EPS15: variants seen among roughly 807,000 people sequenced by gnomAD.
EPS15 encodes the protein epidermal growth factor receptor substrate 15.
A neutral mutation model predicts 113.8 loss-of-function variants in EPS15; 72 were observed. The ratio of observed to expected loss-of-function variants is 0.63; its 90% CI spans 0.52 to 0.77. The LOEUF is 0.77. EPS15 is among the 30% of genes least tolerant of loss of function. The pLI is 0.00. For synonymous variants in EPS15, 344 were observed against 363.4 expected (o/e 0.95, Z 0.61); for missense variants, 1,048 against 1,045.8 (o/e 1.00, Z -0.03).
chr1:51,362,470 T>G (rs187249252), intron 23 of EPS15, among the ~76,000 whole-genome samples: 2 of 152,310 alleles, frequency 1.3e-5, no homozygotes, highest in Admixed American at 1.3e-4. Context: ...TAGCATATTA[T>G]TTTACTTAAG....
Position 51,355,116 on chromosome 1 carries a change from C to G in EPS15, c.*1584G>C, listed in dbSNP as rs1209884173. The G allele has an allele frequency of 4.6e-6, 1 of 219,488 alleles. No homozygotes were observed. The allele number at this position is 219,488 out of a possible 1,614,324, so 13.6% of individuals were successfully genotyped here. A position where few individuals can be genotyped will look rare whatever the true frequency, so the allele number is the denominator to read the frequency against. ...GTATGACTTTTATGCAGAAATGTTT[C>G]TATTTACAAAGGTAGAAAAAAGTTA... On this transcript the variant is annotated 3_prime_UTR_variant, in exon 25 of 25. Transcript: ENST00000371733.
intron 1 of EPS15, among the ~76,000 whole-genome samples, chr1:51,499,116 C>A (rs193093445): frequency 2.6e-5 from 4 of 152,296 alleles, no homozygotes; most frequent in Admixed American, 2.6e-4. Flanking sequence ...TCTGCTAGCA[C>A]CTTGATCCTA....
rs142536543 is a variant in EPS15 at position 51,447,812 on chromosome 1, G to C, written c.651+234C>G. 165 of 190,136 alleles carry C rather than the reference G, an allele frequency of 8.7e-4. 1 individual carries two copies. Among genetic ancestry groups the C allele is most frequent in the African/African-American group, 3.9e-3 (163 of 42,228 alleles). 11.8% of individuals were successfully genotyped at this position (190,136 alleles called of 1,614,324 possible). A position where few individuals can be genotyped will look rare whatever the true frequency, so the allele number is the denominator to read the frequency against. ...TTCTCTGGAGTATCACATTATGCAG[G>C]TTCAACGAGATGGTGCTCTAAAATT... On this transcript the variant is annotated intron_variant, in intron 9 of 24. Transcript: ENST00000371733.
chr1:51,465,955 G>A (rs540562079), intron 5 of EPS15, among the ~76,000 whole-genome samples: 14 of 150,626 alleles, frequency 9.3e-5, no homozygotes, highest in Admixed American at 1.3e-4. Context: ...AGCTATGATC[G>A]CAGCACTGTA....
intron 5 of EPS15, among the ~76,000 whole-genome samples, chr1:51,466,656 T>C (rs1654866368): frequency 6.6e-6 from 1 of 151,130 alleles, no homozygotes; most frequent in African/African-American, 2.4e-5. Flanking sequence ...AAAAATAAAA[T>C]CTGTACTCAC....
intron 21 of EPS15, 54 bp downstream of exon 21, chr1:51,394,327 G>T (rs1292693127): frequency 1.6e-5 from 18 of 1,130,134 alleles, no homozygotes; most frequent in Non-Finnish European, 2.2e-5. Context: ...AAAGAAAAAA[G>T]AATCTTAAAA....
chr1:51,360,015 G>C (rs1298851458), intron 24 of EPS15, among the ~76,000 whole-genome samples: 1 of 152,034 alleles, frequency 6.6e-6, no homozygotes, highest in Admixed American at 6.6e-5. Flanking sequence ...AAGTAGCTGG[G>C]ACTACAGGTG....
intron 1 of EPS15, among the ~76,000 whole-genome samples, chr1:51,489,963 T>C (rs1644201561): frequency 6.6e-6 from 1 of 152,212 alleles, no homozygotes; most frequent in African/African-American, 2.4e-5. Flanking sequence ...AATAAACCCT[T>C]CTTATTGTAA....
chr1:51,381,438 C>T (rs1271507177), intron 21 of EPS15, among the ~76,000 whole-genome samples: 2 of 151,938 alleles, frequency 1.3e-5, no homozygotes, highest in Non-Finnish European at 2.9e-5. Flanking sequence ...ACTAAAAATA[C>T]AAAAATGACA....
chr1:51,471,606 G>A, intron 4 of EPS15, 84 bp downstream of exon 4: 2 of 1,096,940 alleles, frequency 1.8e-6, no homozygotes, highest in African/African-American at 1.6e-5. Flanking sequence ...CCAATTCTTG[G>A]CTTCAAAATA....
intron 13 of EPS15, among the ~76,000 whole-genome samples, chr1:51,415,861 C>T (rs912708709): frequency 6.8e-6 from 1 of 147,606 alleles, no homozygotes; most frequent in Admixed American, 6.8e-5. Flanking sequence ...ACAAAAAGGC[C>T]TTCCTTTCCA....
At chr1:51,372,506 G>A in intron 21 of EPS15, 2 of 532,684 alleles carry the variant, frequency 3.8e-6, no homozygotes, top group South Asian at 2.8e-5. Flanking sequence ...TGTATGGAAT[G>A]TTTAAGAAAA....
At chr1:51,497,272 A>G (rs1192813731) in intron 1 of EPS15, among the ~76,000 whole-genome samples, 1 of 152,116 alleles carries the variant, frequency 6.6e-6, no homozygotes, top group Non-Finnish European at 1.5e-5. Context: ...CCAGTCAGCT[A>G]GCAAATTTCT....
At chr1:51,364,358 T>C (rs1646458886) in intron 22 of EPS15, among the ~76,000 whole-genome samples, 1 of 152,150 alleles carries the variant, frequency 6.6e-6, no homozygotes, top group Non-Finnish European at 1.5e-5. Flanking sequence ...TGTATGCCTT[T>C]CCGCAAACGA....
At chr1:51,393,499 G>C (rs1188621682) in intron 21 of EPS15, among the ~76,000 whole-genome samples, 1 of 152,188 alleles carries the variant, frequency 6.6e-6, no homozygotes, top group East Asian at 1.9e-4. Context: ...ACCGGGCCCA[G>C]GCTCCTGTAA....
chr1:51,448,237 T>C, intron 8 of EPS15, 102 bp from the exon 9 acceptor site: 1 of 626,618 alleles, frequency 1.6e-6, no homozygotes, highest in Non-Finnish European at 2.6e-6. Context: ...GGCTCTCAAA[T>C]CCTTTTTTAA....
chr1:51,366,550 T>C (rs1027248179), intron 21 of EPS15, among the ~76,000 whole-genome samples: 1 of 152,128 alleles, frequency 6.6e-6, no homozygotes, highest in African/African-American at 2.4e-5. Flanking sequence ...GGTAAAGTAA[T>C]AGCAAATAAA....
At position 51,473,098 on chromosome 1, in the gene EPS15, G is replaced by C. The variant is rs184720504; in HGVS notation, c.76-150C>G. On this transcript the variant is annotated intron_variant, in intron 2 of 24. Transcript: ENST00000371733. Reference sequence around the variant, plus strand: ...ACTACCATGGGCCAAAGAATATGTGGACAGACATATGAGTAGTACTATCTA... The same window carrying C: ...ACTACCATGGGCCAAAGAATATGTGCACAGACATATGAGTAGTACTATCTA... 132 of 651,072 alleles carry C rather than the reference G, an allele frequency of 2.0e-4. 1 individual carries two copies. In the East Asian group the frequency reaches 3.2e-3, roughly 16 times the overall value. 40.3% of individuals were successfully genotyped at this position (651,072 alleles called of 1,614,324 possible).
intron 1 of EPS15, among the ~76,000 whole-genome samples, chr1:51,481,938 G>C (rs1335956177): frequency 1.3e-5 from 2 of 152,172 alleles, no homozygotes; most frequent in African/African-American, 4.8e-5. Flanking sequence ...GGGAGGCTGA[G>C]GCAGGAGGAC....
Sources: allele counts gnomAD v4.1 joint callset (sites outside exome capture counted in the v4.1 genomes callset), GRCh38; gene constraint gnomAD v4.1.1; transcripts MANE v1.5; gene names NCBI Gene and HGNC (gene_info 2026-07-23, HGNC 2026-07-21).